GRID1: variants seen among roughly 807,000 people sequenced by gnomAD.
The protein encoded by GRID1 is glutamate receptor ionotropic, delta-1.
In GRID1, 28 loss-of-function variants were observed where a neutral mutation model predicts 98.0. The ratio of observed to expected loss-of-function variants is 0.29; its 90% CI spans 0.21 to 0.39. The LOEUF is 0.39. GRID1 is among the 10% of genes least tolerant of loss of function. The probability of loss-of-function intolerance (pLI) is 1.00; values close to 1 mark genes in which losing one functional copy is unlikely to be tolerated. For missense variants in GRID1, 1,111 were observed against 1,340.5 expected, an observed-to-expected ratio of 0.83 and a Z score of 2.67; for synonymous variants, 553 against 538.5, an observed-to-expected ratio of 1.03 and a Z score of -0.37.
At chr10:85,982,590 G>T (rs1450388163) in intron 4 of GRID1, among the ~76,000 whole-genome samples, 1 of 152,146 alleles carries the variant, frequency 6.6e-6, no homozygotes. Flanking sequence ...CCCAGCCCGT[G>T]GCAGCTCTGT....
chr10:85,761,435 G>A (rs1383605495), intron 8 of GRID1, among the ~76,000 whole-genome samples: 2 of 152,208 alleles, frequency 1.3e-5, no homozygotes, highest in Non-Finnish European at 2.9e-5. Context: ...TTTCTATGCA[G>A]GTGCTGCATT....
At chr10:85,747,324 G>A (rs1331025399) in intron 8 of GRID1, among the ~76,000 whole-genome samples, 2 of 152,134 alleles carry the variant, frequency 1.3e-5, no homozygotes, top group African/African-American at 4.8e-5. Flanking sequence ...GAATAAAAGA[G>A]AAAAATGTTC....
intron 2 of GRID1, among the ~76,000 whole-genome samples, chr10:86,250,586 C>T (rs1036961505): frequency 6.8e-6 from 1 of 147,230 alleles, no homozygotes; most frequent in Admixed American, 7.2e-5. Context: ...CGGCCAGCTG[C>T]CCAGTCTGGG....
chr10:85,694,546 GTGTGTATATATA>G (rs1483846303), intron 12 of GRID1, among the ~76,000 whole-genome samples: 58 of 78,166 alleles, frequency 7.4e-4, no homozygotes, highest in Admixed American at 2.4e-3. Context: ...AGAAAATGTG[GTGTGTATATATA>G]TATATATATA....
At position 85,972,195 on chromosome 10, in the gene GRID1, C is replaced by T. The variant is rs146190897; in HGVS notation, c.727-55956G>A. On this transcript the variant is annotated intron_variant, in intron 4 of 15. Transcript: ENST00000327946. The stretch of plus-strand genomic sequence containing the variant: ...TAACTGACCCATAATTTTGATGGCT[C>T]ATAGTGAGCTTGAATACAACTCACA... Among the ~76,000 whole-genome samples the T allele has an allele frequency of 3.3e-3, 502 of 151,176 alleles. 2 individuals carry two copies. The highest frequency in any genetic ancestry group is 0.012 in the African/African-American group (479 of 41,228).
intron 4 of GRID1, among the ~76,000 whole-genome samples, chr10:85,971,086 G>A (rs11599478): frequency 0.13 from 19,548 of 151,874 alleles, 1,383 homozygotes; most frequent in Admixed American, 0.22. Flanking sequence ...TCCATTTACA[G>A]TAGTATGAAA....
At chr10:85,669,764 T>C (rs1003313890) in intron 12 of GRID1, among the ~76,000 whole-genome samples, 1 of 152,184 alleles carries the variant, frequency 6.6e-6, no homozygotes, top group African/African-American at 2.4e-5. Context: ...GAAGCCACCT[T>C]TAATATTTTA....
chr10:85,878,415 A>G (rs1161733704), intron 5 of GRID1, among the ~76,000 whole-genome samples: 3 of 152,306 alleles, frequency 2.0e-5, no homozygotes, highest in South Asian at 2.1e-4. Flanking sequence ...GACTAACAGC[A>G]GATCTCTCAG....
chr10:85,885,360 G>A (rs1179464294), intron 5 of GRID1, among the ~76,000 whole-genome samples: 1 of 152,184 alleles, frequency 6.6e-6, no homozygotes, highest in Non-Finnish European at 1.5e-5. Flanking sequence ...AGGGTATATG[G>A]CTGGCTTCAG....
intron 8 of GRID1, among the ~76,000 whole-genome samples, chr10:85,784,197 A>G (rs919666095): frequency 5.3e-5 from 8 of 152,254 alleles, no homozygotes; most frequent in African/African-American, 1.9e-4. Context: ...AACAGGAATC[A>G]TCTAGCTCAA....
intron 4 of GRID1, among the ~76,000 whole-genome samples, chr10:85,933,200 G>C (rs1841880451): frequency 6.8e-6 from 1 of 146,840 alleles, no homozygotes; most frequent in South Asian, 2.1e-4. Context: ...GGATGGCACA[G>C]CACAAAGGCC....
intron 4 of GRID1, among the ~76,000 whole-genome samples, chr10:85,947,851 C>T (rs1217369301): frequency 2.0e-5 from 3 of 152,064 alleles, no homozygotes; most frequent in African/African-American, 7.3e-5. Context: ...TCGGTCTATC[C>T]CCAGAAATCA....
At chr10:86,348,782 G>T (rs535268849) in intron 2 of GRID1, among the ~76,000 whole-genome samples, 1 of 152,368 alleles carries the variant, frequency 6.6e-6, no homozygotes, top group Admixed American at 6.5e-5. Flanking sequence ...GTGCCGATCA[G>T]TGCGTACTGA....
intron 4 of GRID1, among the ~76,000 whole-genome samples, chr10:86,131,463 C>T (rs986492602): frequency 3.3e-5 from 5 of 152,186 alleles, no homozygotes; most frequent in African/African-American, 7.2e-5. Context: ...CACTCTGCTC[C>T]GCTATTTAAT....
chr10:86,247,923 G>A (rs1438223277), intron 2 of GRID1, among the ~76,000 whole-genome samples: 1 of 152,154 alleles, frequency 6.6e-6, no homozygotes, highest in East Asian at 1.9e-4. Flanking sequence ...ACATGTGTTG[G>A]TAGTTGTCTC....
intron 4 of GRID1, among the ~76,000 whole-genome samples, chr10:86,126,438 G>C (rs749230353): frequency 1.3e-5 from 2 of 152,144 alleles, no homozygotes; most frequent in Non-Finnish European, 2.9e-5. Context: ...CTGGGCGACA[G>C]AGTGAGACTC....
intron 4 of GRID1, among the ~76,000 whole-genome samples, chr10:85,945,207 A>G (rs1018219199): frequency 2.0e-5 from 3 of 152,260 alleles, no homozygotes; most frequent in Admixed American, 6.5e-5. Context: ...AATATATAAT[A>G]CGAAAAGATC....
At chr10:86,197,331 G>A (rs1202555711) in intron 3 of GRID1, among the ~76,000 whole-genome samples, 2 of 152,110 alleles carry the variant, frequency 1.3e-5, no homozygotes, top group South Asian at 4.1e-4. Context: ...CACGCTCATG[G>A]AGCAGCAAGG....
At chr10:85,628,733 C>T (rs1262726056) in intron 13 of GRID1, among the ~76,000 whole-genome samples, 2 of 152,138 alleles carry the variant, frequency 1.3e-5, no homozygotes, top group Non-Finnish European at 2.9e-5. Flanking sequence ...CAGGCTCAGT[C>T]GGGGGACAAG....
Sources: gnomAD v4.1 joint callset for allele counts (sites outside exome capture counted in the v4.1 genomes callset) on GRCh38, gnomAD v4.1.1 for gene constraint, MANE v1.5 for transcripts, NCBI Gene and HGNC (gene_info 2026-07-23, HGNC 2026-07-21) for gene names.